SPNS3: variants seen among roughly 807,000 people sequenced by gnomAD.
The protein encoded by SPNS3 is SPNS lysolipid transporter 3, sphingosine-1-phosphate (putative).
SPNS3 carries 51 observed loss-of-function variants against 54.4 expected under a neutral mutation model. The observed-to-expected ratio is 0.94, with a 90% CI of 0.75 to 1.18. The LOEUF (loss-of-function observed/expected upper bound fraction) is 1.18, where lower values mean the gene tolerates loss of function less well. Among genes scored for constraint, SPNS3 ranks in the 50% most tolerant of loss-of-function variants. SPNS3 has a pLI of 0.00. For missense variants in SPNS3, 669 were observed against 677.4 expected (o/e 0.99, Z 0.14); for synonymous variants, 309 against 294.7 (o/e 1.05, Z -0.50).
Position 4,449,394 on chromosome 17 carries a change from G to C in SPNS3, c.923+7G>C, listed in dbSNP as rs980733275. ...CGTGCAGCAACCCCGACAGGTGAGG[G>C]CATCCGGGGGCCCTGGGCACCTGGC... On this transcript the variant is annotated splice_region_variant and intron_variant, in intron 7 of 11. Coordinates refer to ENST00000355530, the MANE Select transcript of SPNS3 (RefSeq NM_182538.5). The C allele has an allele frequency of 1.3e-6, 2 of 1,574,238 alleles. No individual in the cohort carries two copies. The highest frequency in any genetic ancestry group is 1.9e-5 in the Admixed American group (1 of 51,520).
chr17:4,462,098 A>C (rs1971521825), intron 8 of SPNS3, among the ~76,000 whole-genome samples: 2 of 149,800 alleles, frequency 1.3e-5, no homozygotes, highest in African/African-American at 2.5e-5. Flanking sequence ...CCCATTCACC[A>C]ATCCATCCAT....
intron 8 of SPNS3, 85 bp from the exon 9 acceptor site, chr17:4,478,487 C>A: frequency 8.1e-7 from 1 of 1,240,306 alleles, no homozygotes; most frequent in Non-Finnish European, 1.1e-6. Flanking sequence ...GCGTCCCAGT[C>A]TCTCCTCTCC....
chr17:4,469,274 A>T (rs1312244627), intron 8 of SPNS3, among the ~76,000 whole-genome samples: 2 of 150,954 alleles, frequency 1.3e-5, no homozygotes, highest in Non-Finnish European at 2.9e-5. Context: ...TTTTGTAGAG[A>T]CGGGGTTTCA....
chr17:4,448,638 CCTT>C (rs1971069623), intron 6 of SPNS3, among the ~76,000 whole-genome samples: 1 of 152,246 alleles, frequency 6.6e-6, no homozygotes, highest in Non-Finnish European at 1.5e-5. Context: ...AGCCTTGCCC[CCTT>C]CTCCGGGTTG....
intron 8 of SPNS3, among the ~76,000 whole-genome samples, chr17:4,456,241 C>T (rs779119267): frequency 1.1e-4 from 17 of 151,986 alleles, no homozygotes; most frequent in Non-Finnish European, 1.6e-4. Flanking sequence ...CATGAGCCAC[C>T]GCGCCTGGTC....
intron 7 of SPNS3, among the ~76,000 whole-genome samples, chr17:4,450,001 G>A (rs2144047547): frequency 6.6e-6 from 1 of 152,164 alleles, no homozygotes; most frequent in East Asian, 1.9e-4. Context: ...CTGAGTCAAG[G>A]ACATCCTTCA....
chr17:4,438,294 C>G (rs776343066), intron 1 of SPNS3, among the ~76,000 whole-genome samples: 3 of 152,198 alleles, frequency 2.0e-5, no homozygotes, highest in African/African-American at 7.2e-5. Context: ...CAGCTTCAGA[C>G]GGGCAACCTT....
chr17:4,480,147 G>A (rs904283892), intron 9 of SPNS3, among the ~76,000 whole-genome samples: 1 of 152,034 alleles, frequency 6.6e-6, no homozygotes, highest in Non-Finnish European at 1.5e-5. Flanking sequence ...CAGGCCCAGC[G>A]AGTGTGGAGA....
intron 9 of SPNS3, among the ~76,000 whole-genome samples, chr17:4,480,937 A>G (rs2144219063): frequency 6.6e-6 from 1 of 152,252 alleles, no homozygotes; most frequent in East Asian, 1.9e-4. Context: ...CAATCCTTGT[A>G]GCCCCTATAG....
At chr17:4,479,233 G>T (rs1010809956) in intron 9 of SPNS3, among the ~76,000 whole-genome samples, 1 of 152,256 alleles carries the variant, frequency 6.6e-6, no homozygotes, top group Admixed American at 6.5e-5. Context: ...GAGCCACCGT[G>T]CCTGGCCCCT....
chr17:4,462,812 T>C (rs1202601430), intron 8 of SPNS3, among the ~76,000 whole-genome samples: 5 of 68,546 alleles, frequency 7.3e-5, no homozygotes, highest in Non-Finnish European at 7.7e-5. Context: ...CACCAATCTA[T>C]CCATCCATCC....
rs147159833 is a variant in SPNS3, at chr17:4,463,737, C to T, written c.1113+10532C>T. The stretch of plus-strand genomic sequence containing the variant: ...CGGGCAACAGAGTGAGACTCCATCT[C>T]GAAAAAAAAAAAAAAAGAATATACT... On this transcript the variant is annotated intron_variant, in intron 8 of 11. Coordinates refer to ENST00000355530, the MANE Select transcript of SPNS3 (RefSeq NM_182538.5). 1.0e-2 allele frequency among the ~76,000 whole-genome samples: 1,367 copies of T among 137,182 alleles called. 17 individuals carry two copies. The highest frequency in any genetic ancestry group is 0.036 in the African/African-American group (1,296 of 36,456). The allele number at this position is 137,182 out of a possible 152,430, so 90.0% of individuals were successfully genotyped here.
At chr17:4,456,135 A>G (rs891826490) in intron 8 of SPNS3, among the ~76,000 whole-genome samples, 1 of 152,012 alleles carries the variant, frequency 6.6e-6, no homozygotes, top group Non-Finnish European at 1.5e-5. Context: ...TATTTTTAGT[A>G]GAGATGGGGT....
intron 8 of SPNS3, among the ~76,000 whole-genome samples, chr17:4,455,466 G>A (rs1231828840): frequency 1.3e-5 from 2 of 152,184 alleles, no homozygotes; most frequent in East Asian, 3.8e-4. Flanking sequence ...GGCGGGGTGT[G>A]GGGGGTACTT....
intron 8 of SPNS3, among the ~76,000 whole-genome samples, chr17:4,474,895 C>T (rs928271518): frequency 2.0e-5 from 3 of 152,128 alleles, no homozygotes; most frequent in African/African-American, 7.2e-5. Context: ...CGCATATGTA[C>T]GTAGTTGTGG....
chr17:4,468,874 C>T (rs1971773902), intron 8 of SPNS3, among the ~76,000 whole-genome samples: 1 of 151,192 alleles, frequency 6.6e-6, no homozygotes, highest in Non-Finnish European at 1.5e-5. Context: ...CTGCAACCTC[C>T]ACCTCCCGGG....
At chr17:4,464,119 C>T (rs1349993839) in intron 8 of SPNS3, among the ~76,000 whole-genome samples, 2 of 152,178 alleles carry the variant, frequency 1.3e-5, no homozygotes, top group African/African-American at 4.8e-5. Context: ...ATGAGCTTTT[C>T]TGAGAATATA....
intron 8 of SPNS3, among the ~76,000 whole-genome samples, chr17:4,469,930 C>T (rs770216726): frequency 2.0e-5 from 3 of 151,978 alleles, no homozygotes; most frequent in Non-Finnish European, 2.9e-5. Context: ...AGAAAATAAC[C>T]GTTATTCACG....
chr17:4,449,662 G>A (rs1052370600), intron 7 of SPNS3, among the ~76,000 whole-genome samples: 2 of 152,046 alleles, frequency 1.3e-5, no homozygotes, highest in Admixed American at 6.6e-5. Context: ...GCTCCAGAAG[G>A]CACTGGTTGG....
Sources: gnomAD v4.1 joint callset for allele counts (sites outside exome capture counted in the v4.1 genomes callset) on GRCh38, gnomAD v4.1.1 for gene constraint, MANE v1.5 for transcripts, NCBI Gene and HGNC (gene_info 2026-07-23, HGNC 2026-07-21) for gene names.